The following KIAA1328 variants were observed in gnomAD, a reference collection of about 807,000 sequenced individuals.
KIAA1328 encodes KIAA1328.
KIAA1328 carries 52 observed loss-of-function variants against 68.1 expected under a neutral mutation model. The observed-to-expected ratio is 0.76, with a 90% CI of 0.61 to 0.96. The LOEUF (loss-of-function observed/expected upper bound fraction) is 0.96. KIAA1328 is among the 40% of genes least tolerant of loss of function. The pLI is 0.00. For synonymous variants in KIAA1328, 232 were observed against 239.4 expected, an observed-to-expected ratio of 0.97 and a Z score of 0.28; for missense variants, 641 against 677.6, an observed-to-expected ratio of 0.95 and a Z score of 0.60.
At chr18:36,973,221 A>G (rs1429937236) in intron 6 of KIAA1328, among the ~76,000 whole-genome samples, 1 of 152,040 alleles carries the variant, frequency 6.6e-6, no homozygotes, top group Non-Finnish European at 1.5e-5. Context: ...AACTATCCCA[A>G]GGACAGAAAA....
chr18:36,981,346 C>T (rs1372222246), intron 6 of KIAA1328, among the ~76,000 whole-genome samples: 1 of 151,566 alleles, frequency 6.6e-6, no homozygotes, highest in Admixed American at 6.6e-5. Context: ...GAATAAACCT[C>T]AAGAATAGAG....
chr18:37,037,622 G>A (rs1171496538), intron 6 of KIAA1328, among the ~76,000 whole-genome samples: 3 of 151,734 alleles, frequency 2.0e-5, no homozygotes, highest in African/African-American at 7.3e-5. Context: ...GGTGGCTCAC[G>A]CCTGTAATCC....
intron 6 of KIAA1328, among the ~76,000 whole-genome samples, chr18:37,020,586 C>T (rs577049486): frequency 6.6e-6 from 1 of 152,240 alleles, no homozygotes; most frequent in Admixed American, 6.5e-5. Flanking sequence ...GAGAACTGTA[C>T]CAGCTTCCTT....
At chr18:36,929,958 C>T (rs1362765225) in intron 5 of KIAA1328, among the ~76,000 whole-genome samples, 1 of 152,080 alleles carries the variant, frequency 6.6e-6, no homozygotes, top group Non-Finnish European at 1.5e-5. Flanking sequence ...TAGTTTCAGC[C>T]TTTGCTTTCT....
chr18:37,127,438 GT>G, intron 7 of KIAA1328, among the ~76,000 whole-genome samples: 1 of 152,186 alleles, frequency 6.6e-6, no homozygotes, highest in Non-Finnish European at 1.5e-5. Context: ...GCCAGGTGCA[GT>G]GGTTGACACC....
At chr18:36,943,699 T>G (rs2050792906) in intron 5 of KIAA1328, among the ~76,000 whole-genome samples, 1 of 152,196 alleles carries the variant, frequency 6.6e-6, no homozygotes, top group Non-Finnish European at 1.5e-5. Context: ...TGATGCCAGT[T>G]GGAGAAAAAG....
At chr18:36,949,599 C>A (rs1217933606) in intron 5 of KIAA1328, among the ~76,000 whole-genome samples, 8 of 109,136 alleles carry the variant, frequency 7.3e-5, no homozygotes, top group Non-Finnish European at 1.4e-4. Context: ...TACCCAGCTC[C>A]CCCCCCCCCA....
At chr18:37,095,914 G>A (rs368117129) in intron 7 of KIAA1328, among the ~76,000 whole-genome samples, 3 of 152,220 alleles carry the variant, frequency 2.0e-5, no homozygotes, top group East Asian at 1.9e-4. Context: ...CTGGACATAC[G>A]CAGTGTACCA....
Position 36,933,621 on chromosome 18 carries a change from C to T in KIAA1328, c.449-25687C>T, listed in dbSNP as rs568150046. ...GCTGCACAATGCAGCCCTGGGGTGC[C>T]AGGACCAGCCCACAGTTCTGTCCTC... On this transcript the variant is annotated intron_variant, in intron 5 of 9. Coordinates refer to ENST00000280020, the MANE Select transcript of KIAA1328 (RefSeq NM_020776.3). Among the ~76,000 whole-genome samples, 12 of 152,334 alleles carry T rather than the reference C, an allele frequency of 7.9e-5. No individual in the cohort carries two copies. In the East Asian group the frequency reaches 2.3e-3, roughly 29 times the overall value.
At chr18:37,071,264 G>A (rs767463937) in intron 7 of KIAA1328, among the ~76,000 whole-genome samples, 9 of 151,054 alleles carry the variant, frequency 6.0e-5, no homozygotes, top group Non-Finnish European at 1.2e-4. Context: ...GTAGAGATAG[G>A]GTTTTGCCAT....
intron 6 of KIAA1328, among the ~76,000 whole-genome samples, chr18:37,001,277 A>T (rs2053577051): frequency 6.6e-6 from 1 of 152,176 alleles, no homozygotes. Flanking sequence ...TCTATAGGAA[A>T]TGGATAAATT....
downstream of KIAA1328, chr18:37,229,426 A>T (rs2060654927): frequency 2.2e-6 from 1 of 453,112 alleles, no homozygotes; most frequent in African/African-American, 2.1e-5. Flanking sequence ...CTAAAACTTG[A>T]GGGTGATTTT....
At chr18:37,005,375 A>T (rs576875042) in intron 6 of KIAA1328, among the ~76,000 whole-genome samples, 179 of 152,244 alleles carry the variant, frequency 1.2e-3, no homozygotes, top group African/African-American at 3.8e-3. Context: ...CATCAGATAA[A>T]TGTAAATCAA....
chr18:37,001,309 A>G (rs1316731863), intron 6 of KIAA1328, among the ~76,000 whole-genome samples: 1 of 152,128 alleles, frequency 6.6e-6, no homozygotes, highest in Admixed American at 6.6e-5. Flanking sequence ...ACATCCTACC[A>G]AGATTGAATC....
At chr18:37,072,552 C>T (rs997838741) in intron 7 of KIAA1328, among the ~76,000 whole-genome samples, 42 of 152,114 alleles carry the variant, frequency 2.8e-4, no homozygotes, top group African/African-American at 9.9e-4. Context: ...AAGTTTTCTT[C>T]CTAAATTATT....
At chr18:37,041,445 A>G (rs1340742334) in intron 6 of KIAA1328, among the ~76,000 whole-genome samples, 1 of 152,000 alleles carries the variant, frequency 6.6e-6, no homozygotes, top group Non-Finnish European at 1.5e-5. Flanking sequence ...GAAATGTATT[A>G]TGGACCACAT....
intron 9 of KIAA1328, among the ~76,000 whole-genome samples, chr18:37,185,359 A>G (rs963971943): frequency 6.6e-6 from 1 of 152,140 alleles, no homozygotes; most frequent in African/African-American, 2.4e-5. Context: ...AAACAAAATC[A>G]TGTCTGGAAA....
intron 5 of KIAA1328, among the ~76,000 whole-genome samples, chr18:36,914,493 G>A (rs945039620): frequency 6.6e-6 from 1 of 152,060 alleles, no homozygotes; most frequent in South Asian, 2.1e-4. Context: ...AGGCTGAGGT[G>A]GGGGGATCAC....
At chr18:36,889,834 A>G (rs2048622469) in intron 5 of KIAA1328, among the ~76,000 whole-genome samples, 1 of 152,092 alleles carries the variant, frequency 6.6e-6, no homozygotes, top group Non-Finnish European at 1.5e-5. Context: ...GATTTTGTTG[A>G]TTTTCATTAG....
Sources: gnomAD v4.1 joint callset for allele counts (sites outside exome capture counted in the v4.1 genomes callset) on GRCh38, gnomAD v4.1.1 for gene constraint, MANE v1.5 for transcripts, NCBI Gene and HGNC (gene_info 2026-07-23, HGNC 2026-07-21) for gene names.